The following PFKP variants were observed in gnomAD, a reference collection of about 807,000 sequenced individuals.
PFKP encodes the protein ATP-dependent 6-phosphofructokinase, platelet type.
PFKP carries 101 observed loss-of-function variants against 94.3 expected under a neutral mutation model. The observed-to-expected ratio is 1.07, with a 90% confidence interval of 0.91 to 1.26. The LOEUF is 1.26. PFKP is among the 50% of genes most tolerant of loss of function. The pLI, the probability that PFKP is intolerant of heterozygous loss-of-function variation, is 0.00. For synonymous variants in PFKP, 573 were observed against 432.6 expected (o/e 1.32, Z -4.03); for missense variants, 1,145 against 1,103.3 (o/e 1.04, Z -0.53).
Position 3,103,867 on chromosome 10 carries a change from C to G in PFKP, c.543C>G (p.Thr181=). 1 of 1,613,888 alleles carries G rather than the reference C, an allele frequency of 6.2e-7. No homozygotes were observed. Among genetic ancestry groups the G allele is most frequent in the East Asian group, 2.2e-5 (1 of 44,874 alleles). Residue 181 remains threonine (T), a synonymous_variant, in exon 5 of 22, where the codon ACC becomes ACG. Coordinates refer to ENST00000381125, the MANE Select transcript of PFKP (RefSeq NM_002627.5). ...VGSIDNDFCG[T]DMTIGTDSAL... ...CCATCGACAATGATTTCTGCGGCAC[C>G]GACATGACCATCGGCACGGACTCCG...
chr10:3,124,941 G>A (rs183024333), intron 16 of PFKP, among the ~76,000 whole-genome samples: 301 of 152,294 alleles, frequency 2.0e-3, no homozygotes, highest in Middle Eastern at 6.8e-3. Context: ...GCTCTCGCAC[G>A]GCCTCCAGAG....
chr10:3,135,547 C>T (rs974170344), intron 20 of PFKP, among the ~76,000 whole-genome samples, 189 bp from the exon 21 acceptor site: 8 of 152,142 alleles, frequency 5.3e-5, no homozygotes, highest in South Asian at 4.1e-4. Flanking sequence ...CGGGGCAGTC[C>T]CACAGGAGCA....
At chr10:3,129,778 C>T (rs1564352266) in intron 16 of PFKP, 41 bp from the exon 17 acceptor site, 23 of 1,606,710 alleles carry the variant, frequency 1.4e-5, no homozygotes, top group South Asian at 3.3e-5. Context: ...GGGCGCGCCC[C>T]GGGCCTGGGC....
chr10:3,089,039 C>A (rs541727552), intron 2 of PFKP, among the ~76,000 whole-genome samples: 3 of 152,320 alleles, frequency 2.0e-5, no homozygotes, highest in Non-Finnish European at 2.9e-5. Flanking sequence ...TCAAGCGATT[C>A]TCCTGCCTCA....
chr10:3,115,425 T>C (rs1415839217), intron 13 of PFKP, among the ~76,000 whole-genome samples: 150 of 10,316 alleles, frequency 0.015, no homozygotes, highest in African/African-American at 0.053. Flanking sequence ...TGTCCCGCCA[T>C]GGAGGACAGG....
Position 3,101,394 on chromosome 10 carries a change from C to G in PFKP, c.294C>G (p.Cys98Trp). 1 of 1,598,706 alleles carries G rather than the reference C, an allele frequency of 6.3e-7. No homozygotes were observed. The highest frequency in any genetic ancestry group is 1.3e-5 in the African/African-American group (1 of 74,734). ...VGGTIIGSAR[C>W]QAFRTREGRL... ...GGACGATCATTGGCAGTGCGCGGTG[C>G]CAGGCCTTCCGCACGCGGGAAGGCC... Residue 98 changes from cysteine to tryptophan, a missense_variant, in exon 4 of 22, where the codon TGC becomes TGG. Physicochemically the swap from Cys to Trp is radical, Grantham distance 215. This residue lies in a region of PFKP where 1,119 missense variants were observed against 1,062.8 expected (regional missense o/e 1.05). Coordinates refer to ENST00000381125, the MANE Select transcript of PFKP (RefSeq NM_002627.5).
intron 1 of PFKP, chr10:3,070,240 T>G (rs562196384): frequency 6.6e-6 from 1 of 152,388 alleles, no homozygotes; most frequent in South Asian, 2.1e-4. Flanking sequence ...TTGGACGCAT[T>G]TCTTTTAAGG....
At chr10:3,103,704 C>G (rs1443504927) in intron 4 of PFKP, 75 bp from the exon 5 acceptor site, 1 of 1,471,872 alleles carries the variant, frequency 6.8e-7, no homozygotes, top group Admixed American at 1.7e-5. Context: ...GGCCATTCTG[C>G]CTCACCCCTA....
At chr10:3,130,106 A>G in intron 17 of PFKP, 123 bp downstream of exon 17, 1 of 868,212 alleles carries the variant, frequency 1.2e-6, no homozygotes, top group South Asian at 1.8e-5. Flanking sequence ...GCTACAGAAC[A>G]TGCCACGCTT....
rs1044981717 is a variant in PFKP at position 3,101,976 on chromosome 10, G to A, written c.454+422G>A. On this transcript the variant is annotated intron_variant, in intron 4 of 21. Transcript: ENST00000381125. ...TCCTTTAAAACTGAAGTTGGGCCGG[G>A]CGCGGTGGCTCACGCCTGTAATCCC... Among the ~76,000 whole-genome samples the A allele has an allele frequency of 2.0e-5, 3 of 152,150 alleles. 1 individual carries two copies. The highest frequency in any genetic ancestry group is 4.4e-5 in the Non-Finnish European group (3 of 68,014).
intron 4 of PFKP, 42 bp downstream of exon 4, chr10:3,101,596 T>C: frequency 1.4e-6 from 2 of 1,400,174 alleles, no homozygotes; most frequent in Non-Finnish European, 1.9e-6. Flanking sequence ...GTTTTCGCCC[T>C]GTTTCAGAGC....
chr10:3,101,676 A>G, intron 4 of PFKP, 122 bp downstream of exon 4: 1 of 651,360 alleles, frequency 1.5e-6, no homozygotes. Flanking sequence ...ACAGGTCACC[A>G]TCTCAGGACT....
intron 1 of PFKP, chr10:3,069,164 G>GGGTGGC: frequency 9.3e-7 from 1 of 1,079,136 alleles, no homozygotes; most frequent in Non-Finnish European, 1.2e-6. Context: ...CGGGAGACCC[G>GGGTGGC]GGTGGCAGCG....
chr10:3,113,656 C>CAAGGT (rs1564324200), intron 13 of PFKP, 138 bp downstream of exon 13: 33 of 24,450 alleles, frequency 1.3e-3, no homozygotes, highest in African/African-American at 3.4e-3. Context: ...GTGACTGAAG[C>CAAGGT]ATTGCTTCTG....
rs199532172 is a variant in PFKP, at chr10:3,135,865, A to G, written c.2225+27A>G. 4.4e-6 allele frequency: 6 copies of G among 1,365,074 alleles called. No individual in the cohort carries two copies. The African/African-American group carries it at 7.2e-5, about 16-fold the overall frequency. 84.6% of individuals were successfully genotyped at this position (1,365,074 alleles called of 1,614,324 possible). On this transcript the variant is annotated intron_variant, in intron 21 of 21. Coordinates refer to ENST00000381125, the MANE Select transcript of PFKP (RefSeq NM_002627.5). ...TAAGTTGGCTGGGTTCCCTGAGGCA[A>G]TAAGACCCCAATGTGAGTACGGGAC...
intron 5 of PFKP, 124 bp downstream of exon 5, chr10:3,104,068 C>A: frequency 1.3e-6 from 1 of 758,154 alleles, no homozygotes; most frequent in Non-Finnish European, 2.1e-6. Context: ...CGTAACTTGA[C>A]TTTTAGGAGC....
chr10:3,105,035 G>A, intron 5 of PFKP, 80 bp from the exon 6 acceptor site: 2 of 1,359,786 alleles, frequency 1.5e-6, no homozygotes, highest in South Asian at 2.4e-5. Flanking sequence ...TTTCTGAGCT[G>A]TTTCCAGGAC....
At chr10:3,128,228 C>A (rs1479809109) in intron 16 of PFKP, among the ~76,000 whole-genome samples, 2 of 152,236 alleles carry the variant, frequency 1.3e-5, no homozygotes, top group Non-Finnish European at 2.9e-5. Flanking sequence ...CCCACAGTTC[C>A]TGTCCTCATG....
rs1838382425 is a variant in PFKP at position 3,129,930 on chromosome 10, G to A, written c.1795G>A (p.Gly599Arg). The A allele has an allele frequency of 3.7e-6, 6 of 1,608,966 alleles. No individual in the cohort carries two copies. Among genetic ancestry groups the A allele is most frequent in the East Asian group, 2.2e-5 (1 of 44,794 alleles). The change falls in exon 17 of 22, where the codon GGA becomes AGA. Residue 599 changes from glycine to arginine, a missense_variant. Coordinates refer to ENST00000381125, the MANE Select transcript of PFKP (RefSeq NM_002627.5). ...GGCCAACATGGGGGGGCTCGCGGCC[G>A]GAGCTGATGCCGCATACATTTTCGA... ...YLANMGGLAA[G>R]ADAAYIFEEP...
Sources: allele counts gnomAD v4.1 joint callset (sites outside exome capture counted in the v4.1 genomes callset), GRCh38; gene constraint gnomAD v4.1.1; regional missense constraint gnomAD v4.1.1; transcripts MANE v1.5; gene names NCBI Gene and HGNC (gene_info 2026-07-23, HGNC 2026-07-21).